Variants in PHLDB2 observed in about 807,000 individuals in gnomAD.
PHLDB2 encodes the protein pleckstrin homology like domain family B member 2.
PHLDB2 carries 71 observed loss-of-function variants against 123.6 expected under a neutral mutation model. The ratio of observed to expected loss-of-function variants is 0.57; its 90% confidence interval spans 0.47 to 0.70. The LOEUF is 0.70. Ranked by LOEUF, PHLDB2 falls within the 30% of genes least tolerant of loss-of-function variation. PHLDB2 has a pLI of 0.00. For synonymous variants in PHLDB2, 547 were observed against 541.6 expected, an observed-to-expected ratio of 1.01 and a Z score of -0.14; for missense variants, 1,446 against 1,519.5, an observed-to-expected ratio of 0.95 and a Z score of 0.80.
chr3:111,765,102 A>G (rs928746327), intron 1 of PHLDB2, among the ~76,000 whole-genome samples: 1 of 152,202 alleles, frequency 6.6e-6, no homozygotes, highest in Non-Finnish European at 1.5e-5. Flanking sequence ...TTGGCTTCCA[A>G]GGAGTATTAG....
rs143040853 is a variant in PHLDB2 at position 111,877,333 on chromosome 3, T to G, written c.-14-6731T>G. ...CTCTAATGACCAGTGATGATGAGCTTTTTTTTCATATGTTTGTTGGCTGCA... is the reference window on the plus strand; with the variant it reads ...CTCTAATGACCAGTGATGATGAGCTGTTTTTTCATATGTTTGTTGGCTGCA... On this transcript the variant is annotated intron_variant, in intron 1 of 17. Transcript: ENST00000431670. 3.9e-5 allele frequency among the ~76,000 whole-genome samples: 6 copies of G among 152,374 alleles called. No individual in the cohort carries two copies. The East Asian group carries it at 1.2e-3, about 29-fold the overall frequency.
chr3:111,905,126 C>A (rs541383288), intron 2 of PHLDB2, among the ~76,000 whole-genome samples: 19 of 152,170 alleles, frequency 1.2e-4, no homozygotes, highest in African/African-American at 4.3e-4. Flanking sequence ...ATAAAACCAC[C>A]CCCCACAAAG....
intron 1 of PHLDB2, among the ~76,000 whole-genome samples, chr3:111,808,905 C>T (rs891004780): frequency 1.3e-5 from 2 of 152,266 alleles, no homozygotes; most frequent in South Asian, 4.1e-4. Flanking sequence ...TAGAACTCTA[C>T]TACTAGTACT....
At chr3:111,913,848 T>G (rs1206690273) in intron 3 of PHLDB2, 146 bp downstream of exon 3, 1 of 1,100,386 alleles carries the variant, frequency 9.1e-7, no homozygotes, top group Non-Finnish European at 1.3e-6. Flanking sequence ...CTGAGCGAGG[T>G]GCAGCAAATT....
At chr3:111,894,033 T>C (rs528672874) in intron 2 of PHLDB2, among the ~76,000 whole-genome samples, 7,091 of 143,454 alleles carry the variant, frequency 0.049, 238 homozygotes, top group Non-Finnish European at 0.074. Flanking sequence ...TAGCATTAGG[T>C]ATATCTCCCA....
At chr3:111,796,719 G>C (rs191311643) in intron 1 of PHLDB2, among the ~76,000 whole-genome samples, 35 of 152,124 alleles carry the variant, frequency 2.3e-4, no homozygotes, top group Admixed American at 1.8e-3. Context: ...CTGAGACAGG[G>C]TCTTGCCATG....
At chr3:111,922,662 G>A (rs956725133) in intron 5 of PHLDB2, among the ~76,000 whole-genome samples, 8 of 152,202 alleles carry the variant, frequency 5.3e-5, no homozygotes, top group Non-Finnish European at 1.0e-4. Flanking sequence ...ATGTTACTAC[G>A]TATTCTTGAC....
chr3:111,953,883 C>T, intron 11 of PHLDB2, 47 bp from the exon 12 acceptor site: 1 of 1,462,174 alleles, frequency 6.8e-7, no homozygotes, highest in Non-Finnish European at 9.6e-7. Flanking sequence ...CCTAAAGGTC[C>T]ATTCAGCCTG....
intron 2 of PHLDB2, among the ~76,000 whole-genome samples, chr3:111,886,233 C>T (rs904964848): frequency 1.4e-4 from 21 of 152,204 alleles, no homozygotes; most frequent in African/African-American, 4.8e-4. Flanking sequence ...AGCTGATTTA[C>T]AGCAACACAG....
At chr3:111,742,505 C>A (rs531539472) in intron 1 of PHLDB2, among the ~76,000 whole-genome samples, 2 of 152,098 alleles carry the variant, frequency 1.3e-5, no homozygotes, top group Admixed American at 6.5e-5. Context: ...GTTCCCCTTC[C>A]TGTGTCCAAG....
chr3:111,885,790 T>C, intron 2 of PHLDB2: 1 of 586,620 alleles, frequency 1.7e-6, no homozygotes, highest in Non-Finnish European at 3.0e-6. Context: ...TGCTTGTGTA[T>C]GGTTATGAGA....
chr3:111,785,330 T>C (rs934844180), intron 1 of PHLDB2, among the ~76,000 whole-genome samples: 3 of 152,280 alleles, frequency 2.0e-5, no homozygotes, highest in East Asian at 1.9e-4. Flanking sequence ...CCCCTACATG[T>C]ATTTTGCAAG....
rs182971744 is a variant in PHLDB2, at chr3:111,910,140, T to C, written c.1336-3179T>C. On this transcript the variant is annotated intron_variant, in intron 2 of 17. Transcript: ENST00000431670. ...ACATACCCCTAGCCCATCACCATTT[T>C]TTCCCCTTTAACCTCTAAGTGAAAA... is the stretch of plus-strand genomic sequence containing the variant. Among the ~76,000 whole-genome samples, 111 of 152,300 alleles carry C rather than the reference T, an allele frequency of 7.3e-4. 1 individual carries two copies. The highest frequency in any genetic ancestry group is 1.0e-4 in the Non-Finnish European group (7 of 68,018).
chr3:111,894,305 T>C (rs1420562212), intron 2 of PHLDB2, among the ~76,000 whole-genome samples: 1 of 152,096 alleles, frequency 6.6e-6, no homozygotes, highest in East Asian at 1.9e-4. Context: ...TAATCCAGTC[T>C]ATCATTGTTG....
chr3:111,933,194 C>T (rs1427013699), intron 6 of PHLDB2, among the ~76,000 whole-genome samples: 1 of 152,148 alleles, frequency 6.6e-6, no homozygotes, highest in African/African-American at 2.4e-5. Context: ...TAAACTGCTT[C>T]CTTCTGGGGA....
At chr3:111,967,543 G>A (rs2071857251) in intron 14 of PHLDB2, 135 bp from the exon 15 acceptor site, 1 of 857,756 alleles carries the variant, frequency 1.2e-6, no homozygotes, top group Non-Finnish European at 1.6e-6. Context: ...TTGTTTTCTT[G>A]TAGGTTATGT....
At chr3:111,836,863 A>G (rs1318968861) in intron 1 of PHLDB2, among the ~76,000 whole-genome samples, 5 of 152,168 alleles carry the variant, frequency 3.3e-5, no homozygotes, top group Non-Finnish European at 1.5e-5. Context: ...ATCTCCCACC[A>G]GGTCCCTCCC....
chr3:111,884,596 T>C lies in PHLDB2; in HGVS notation c.519T>C (p.Ser173=), dbSNP rs773365591. Residue 173 remains serine, a synonymous_variant, in exon 2 of 18, where the codon TCT becomes TCC. Coordinates refer to ENST00000431670, the MANE Select transcript of PHLDB2 (RefSeq NM_001134438.2). ...SLGGLEGRKA[S]GSLLAMWNGS... ...GAGGGCTGGAAGGTCGGAAGGCATC[T>C]GGCTCGCTCCTGGCCATGTGGAATG... is the stretch of plus-strand genomic sequence containing the variant. 6.2e-7 allele frequency: 1 copy of C among 1,614,176 alleles called. No homozygotes were observed. The highest frequency in any genetic ancestry group is 1.7e-5 in the Admixed American group (1 of 60,026).
chr3:111,913,844 G>A (rs979406221), intron 3 of PHLDB2, 142 bp downstream of exon 3: 8 of 1,145,992 alleles, frequency 7.0e-6, no homozygotes, highest in East Asian at 2.4e-5. Flanking sequence ...TTAGCTGAGC[G>A]AGGTGCAGCA....
Sources: allele counts gnomAD v4.1 joint callset (sites outside exome capture counted in the v4.1 genomes callset), GRCh38; gene constraint gnomAD v4.1.1; transcripts MANE v1.5; gene names NCBI Gene and HGNC (gene_info 2026-07-23, HGNC 2026-07-21).